PRR12: variants seen among roughly 807,000 people sequenced by gnomAD.
PRR12 encodes proline-rich protein 12.
PRR12 carries 12 observed loss-of-function variants against 138.0 expected under a neutral mutation model. The ratio of observed to expected loss-of-function variants is 0.09; its 90% CI spans 0.06 to 0.14. The LOEUF is 0.14. Among genes scored for constraint, PRR12 ranks in the 10% least tolerant of loss-of-function variants. The pLI, the probability that PRR12 is intolerant of heterozygous loss-of-function variation, is 1.00. For synonymous variants in PRR12, 1,567 were observed against 1,291.7 expected (o/e 1.21, Z -4.57); for missense variants, 2,692 against 2,861.3 (o/e 0.94, Z 1.35).
At chr19:49,605,691 T>C (rs1188491726) in intron 6 of PRR12, among the ~76,000 whole-genome samples, 1 of 152,182 alleles carries the variant, frequency 6.6e-6, no homozygotes, top group Non-Finnish European at 1.5e-5. Flanking sequence ...ATTTTACAGA[T>C]GGGGAAGTTC....
intron 4 of PRR12, among the ~76,000 whole-genome samples, chr19:49,598,618 G>A (rs372061098): frequency 3.3e-5 from 5 of 152,044 alleles, no homozygotes; most frequent in Admixed American, 1.3e-4. Flanking sequence ...CCAGATGTTC[G>A]AGACCAGCCT....
chr19:49,593,353 C>T lies in PRR12; in HGVS notation c.113C>T (p.Ser38Leu), dbSNP rs1568420510. The T allele has an allele frequency of 6.2e-7, 1 of 1,611,224 alleles. No homozygotes were observed. The highest frequency in any genetic ancestry group is 2.2e-5 in the East Asian group (1 of 44,706). ...TTGGTTTATGGCAGCTCCAGGACCT[C>T]GCACCCCGAGACGGACATCTTACAC... is the stretch of plus-strand genomic sequence containing the variant. ...ASLVYGSSRT[S>L]HPETDILHRQ... Residue 38 changes from serine (S) to leucine (L), a missense_variant, in exon 2 of 14, where the codon TCG (serine) becomes TTG (leucine). Physicochemically the swap from Ser to Leu is moderately radical, Grantham distance 145. This residue lies in a region of PRR12 where 211 missense variants were observed against 266.3 expected (regional missense o/e 0.79). Coordinates refer to ENST00000418929, the MANE Select transcript of PRR12 (RefSeq NM_020719.3).
At chr19:49,598,710 T>A (rs970077032) in intron 4 of PRR12, among the ~76,000 whole-genome samples, 5 of 152,140 alleles carry the variant, frequency 3.3e-5, no homozygotes, top group Admixed American at 3.3e-4. Context: ...CAGTCCCAGC[T>A]ACTCAAGAGG....
At chr19:49,603,882 G>T (rs965440722) in intron 6 of PRR12, among the ~76,000 whole-genome samples, 1 of 151,512 alleles carries the variant, frequency 6.6e-6, no homozygotes, top group Non-Finnish European at 1.5e-5. Context: ...GTGCAGTGAC[G>T]CAATCTCGGC....
At chr19:49,619,876 T>TG (rs1599802714) in intron 9 of PRR12, among the ~76,000 whole-genome samples, 2 of 141,312 alleles carry the variant, frequency 1.4e-5, no homozygotes, top group Non-Finnish European at 3.1e-5. Flanking sequence ...TTTTTTTTTT[T>TG]GGAGACGAGT....
chr19:49,618,092 G>T (rs76391920), intron 9 of PRR12, among the ~76,000 whole-genome samples: 6,964 of 152,130 alleles, frequency 0.046, 205 homozygotes, highest in South Asian at 0.11. Flanking sequence ...AGGGAAACTC[G>T]GTCTCAATAA....
chr19:49,599,853 T>A lies in PRR12; in HGVS notation c.4260T>A (p.Asp1420Glu). Residue 1420 changes from aspartate (D) to glutamate (E), a missense_variant, in exon 5 of 14, where the codon GAT becomes GAA. By Grantham distance (45) the Asp-to-Glu change is conservative. Around this residue, in one of 11 missense-constraint regions of PRR12, gnomAD observed 231 missense variants for 200.8 expected, o/e 1.15. Coordinates refer to ENST00000418929, the MANE Select transcript of PRR12 (RefSeq NM_020719.3). The surrounding 1 kb of genome is among the most constrained non-coding windows in gnomAD (Gnocchi z 5.0). ...GGCCAAAAGACACTTCCACCCCAGA[T>A]GGGCCGCCCTTGGCCCCCGCGGCTG... Reference protein sequence around the residue: ...LAGPKDTSTPDGPPLAPAAAV... With the variant: ...LAGPKDTSTPEGPPLAPAAAV... 6.2e-7 allele frequency: 1 copy of A among 1,613,190 alleles called. No individual in the cohort carries two copies. The highest frequency in any genetic ancestry group is 1.1e-5 in the South Asian group (1 of 91,084).
Position 49,594,660 on chromosome 19 carries a change from G to T in PRR12, c.362-37G>T. The T allele has an allele frequency of 6.2e-7, 1 of 1,610,030 alleles. No homozygotes were observed. Among genetic ancestry groups the T allele is most frequent in the Non-Finnish European group, 8.5e-7 (1 of 1,179,406 alleles). ...TGCAGGGCCAGGGTGGGACTGGCTC[G>T]CTGTTCTCTCTGACGCGCGGTCTTC... On this transcript the variant is annotated intron_variant, in intron 3 of 13. Transcript: ENST00000418929. This position sits in a 1 kb window ranked among gnomAD's most constrained non-coding sequence, Gnocchi z 5.6.
chr19:49,600,016 C>T, intron 5 of PRR12, 78 bp downstream of exon 5: 1 of 1,393,298 alleles, frequency 7.2e-7, no homozygotes, highest in African/African-American at 1.4e-5. Flanking sequence ...GCAGGTTACG[C>T]ACTGTTTAAG....
At chr19:49,619,094 C>T (rs1368535768) in intron 9 of PRR12, among the ~76,000 whole-genome samples, 1 of 152,002 alleles carries the variant, frequency 6.6e-6, no homozygotes, top group Non-Finnish European at 1.5e-5. Flanking sequence ...TCCCTGGATA[C>T]CCTCTTTTGG....
chr19:49,592,443 G>T (rs1243018210), intron 1 of PRR12, among the ~76,000 whole-genome samples: 5 of 152,182 alleles, frequency 3.3e-5, no homozygotes, highest in Admixed American at 2.6e-4. Context: ...CCGGGTGTGT[G>T]TTTGTGTGTC....
chr19:49,622,954 G>A (rs966986617), intron 11 of PRR12, among the ~76,000 whole-genome samples: 6 of 107,572 alleles, frequency 5.6e-5, no homozygotes, highest in African/African-American at 2.8e-4. Flanking sequence ...GAGAGAGAGA[G>A]AGAAAGAGAG....
chr19:49,618,532 T>G (rs1186139586), intron 9 of PRR12, among the ~76,000 whole-genome samples: 2 of 152,058 alleles, frequency 1.3e-5, no homozygotes, highest in Non-Finnish European at 2.9e-5. Context: ...GGACTATAGA[T>G]GTGTGCCACC....
intron 6 of PRR12, among the ~76,000 whole-genome samples, chr19:49,604,109 G>A (rs1040283847): frequency 2.0e-5 from 3 of 151,972 alleles, no homozygotes; most frequent in African/African-American, 4.8e-5. Flanking sequence ...ATGAACCACC[G>A]CGCCCGGCCT....
At chr19:49,604,384 A>C (rs530099526) in intron 6 of PRR12, among the ~76,000 whole-genome samples, 7 of 151,564 alleles carry the variant, frequency 4.6e-5, no homozygotes, top group African/African-American at 1.5e-4. Context: ...AAAAAAGGAT[A>C]TTGACATCGT....
chr19:49,593,456 GC>G lies in PRR12; in HGVS notation c.199+21del. On this transcript the variant is annotated intron_variant, in intron 2 of 13. Coordinates refer to ENST00000418929, the MANE Select transcript of PRR12 (RefSeq NM_020719.3). Reference sequence around the variant, plus strand: ...ACCCGGCAGGTACGGCCCCCATCCCGCCCCGCTTTGGGCTGGCCCTCCCCCT... The same window carrying G: ...ACCCGGCAGGTACGGCCCCCATCCCGCCCGCTTTGGGCTGGCCCTCCCCCT... The G allele has an allele frequency of 1.1e-6, 1 of 921,020 alleles. No individual in the cohort carries two copies. Among genetic ancestry groups the G allele is most frequent in the Non-Finnish European group, 1.4e-6 (1 of 710,506 alleles). 57.1% of individuals were successfully genotyped at this position (921,020 alleles called of 1,614,324 possible).
chr19:49,625,634 C>A lies in PRR12; in HGVS notation c.*27C>A. On this transcript the variant is annotated 3_prime_UTR_variant, in exon 14 of 14. Transcript: ENST00000418929. This position sits in a 1 kb window ranked among gnomAD's most constrained non-coding sequence, Gnocchi z 5.5. ...CCCGCCCCAGCTTGTGAGGGGGGCG[C>A]CTCCTCCATGAACCGAGAATTGGGA... The A allele has an allele frequency of 6.3e-7, 1 of 1,577,326 alleles. No homozygotes were observed. The highest frequency in any genetic ancestry group is 8.6e-7 in the Non-Finnish European group (1 of 1,161,416).
At chr19:49,593,914 C>A (rs1212750248) in intron 2 of PRR12, among the ~76,000 whole-genome samples, 1 of 152,104 alleles carries the variant, frequency 6.6e-6, no homozygotes, top group African/African-American at 2.4e-5. Context: ...CTGATTGGTT[C>A]CCTCTTCCTA....
At chr19:49,593,770 C>T (rs1024608762) in intron 2 of PRR12, among the ~76,000 whole-genome samples, 1 of 152,146 alleles carries the variant, frequency 6.6e-6, no homozygotes, top group Non-Finnish European at 1.5e-5. Flanking sequence ...ATTCTTTTGG[C>T]TCTTTGGAAC....
Sources: gnomAD v4.1 joint callset for allele counts (sites outside exome capture counted in the v4.1 genomes callset) on GRCh38, gnomAD v4.1.1 for gene constraint, gnomAD v4.1.1 regional missense constraint, Gnocchi (gnomAD v3.1) non-coding constraint, MANE v1.5 for transcripts, NCBI Gene and HGNC (gene_info 2026-07-23, HGNC 2026-07-21) for gene names.